Variants in CTNNA3 observed in about 807,000 individuals in gnomAD.
CTNNA3 encodes catenin alpha 3, also known as catenin alpha-3.
Under a neutral mutation model 95.7 loss-of-function variants are expected in CTNNA3, and 76 were observed. That is an observed-to-expected ratio of 0.79 (90% confidence interval 0.66 to 0.96). CTNNA3 has a LOEUF of 0.96. Among genes scored for constraint, CTNNA3 ranks in the 40% least tolerant of loss-of-function variants. CTNNA3 has a pLI of 0.00. For synonymous variants in CTNNA3, 431 were observed against 374.4 expected, an observed-to-expected ratio of 1.15 and a Z score of -1.74; for missense variants, 1,191 against 1,089.8, an observed-to-expected ratio of 1.09 and a Z score of -1.31.
At chr10:66,919,759 T>G (rs902064340) in intron 7 of CTNNA3, among the ~76,000 whole-genome samples, 2 of 152,206 alleles carry the variant, frequency 1.3e-5, no homozygotes, top group Non-Finnish European at 2.9e-5. Flanking sequence ...GAAGTGTTAA[T>G]GCTCTGATGA....
chr10:67,758,927 A>G (rs906725661), intron 1 of CTNNA3, among the ~76,000 whole-genome samples: 4 of 152,206 alleles, frequency 2.6e-5, no homozygotes, highest in African/African-American at 9.6e-5. Context: ...TCTTCTTCTT[A>G]CTTCTTAATT....
At chr10:67,690,530 T>C (rs1037708111) in intron 1 of CTNNA3, among the ~76,000 whole-genome samples, 2 of 152,172 alleles carry the variant, frequency 1.3e-5, no homozygotes, top group Non-Finnish European at 2.9e-5. Flanking sequence ...GAGTCCTGAT[T>C]GGTGCATTTA....
chr10:66,575,837 T>C (rs1260908395), intron 10 of CTNNA3, among the ~76,000 whole-genome samples: 1 of 152,082 alleles, frequency 6.6e-6, no homozygotes, highest in Non-Finnish European at 1.5e-5. Context: ...GACAAGGACA[T>C]CAAATACAAT....
At chr10:66,004,568 A>G (rs1391316745) in intron 15 of CTNNA3, among the ~76,000 whole-genome samples, 1 of 152,178 alleles carries the variant, frequency 6.6e-6, no homozygotes, top group East Asian at 1.9e-4. Flanking sequence ...ATGTTAGCTG[A>G]GAAACTTTAC....
chr10:66,830,820 A>G lies in CTNNA3; in HGVS notation c.1048-55296T>C, dbSNP rs553456282. 4.6e-5 allele frequency among the ~76,000 whole-genome samples: 7 copies of G among 152,228 alleles called. 1 individual carries two copies. The South Asian group carries it at 1.5e-3, about 32-fold the overall frequency. On this transcript the variant is annotated intron_variant, in intron 7 of 17. Coordinates refer to ENST00000433211, the MANE Select transcript of CTNNA3 (RefSeq NM_013266.4). The stretch of plus-strand genomic sequence containing the variant: ...GAGACAGGGTTTCACCGTGTTAGCC[A>G]GGATGGTCTCTATCTCCTGACCTCG...
In CTNNA3 at chr10:66,272,568, A is replaced by G. The variant is rs138526198; in HGVS notation, c.1884+7902T>C. On this transcript the variant is annotated intron_variant, in intron 13 of 17. Transcript: ENST00000433211. ...AACTGTCGCCCTGTGGGTGGAGACA[A>G]TGCACCACAGGGCCTCAAGCAGTAC... Among the ~76,000 whole-genome samples, 1,178 of 152,094 alleles carry G rather than the reference A, an allele frequency of 7.7e-3. 13 individuals are homozygous for G. Among genetic ancestry groups the G allele is most frequent in the African/African-American group, 0.027 (1,115 of 41,464 alleles).
intron 5 of CTNNA3, among the ~76,000 whole-genome samples, chr10:67,322,248 C>T (rs1841352415): frequency 6.6e-6 from 1 of 152,026 alleles, no homozygotes; most frequent in Non-Finnish European, 1.5e-5. Context: ...ATTTTAAGTT[C>T]AGGGTACATG....
chr10:66,693,946 G>A (rs996309731), intron 9 of CTNNA3, among the ~76,000 whole-genome samples: 2 of 151,682 alleles, frequency 1.3e-5, no homozygotes, highest in African/African-American at 4.8e-5. Context: ...AGAATCTCTG[G>A]GACACATTCA....
At chr10:66,345,485 A>C (rs2092499979) in intron 12 of CTNNA3, among the ~76,000 whole-genome samples, 1 of 152,102 alleles carries the variant, frequency 6.6e-6, no homozygotes, top group Non-Finnish European at 1.5e-5. Flanking sequence ...GAAGGGAATT[A>C]CTGTATAGAT....
chr10:67,600,412 T>A (rs538527874), intron 3 of CTNNA3, among the ~76,000 whole-genome samples: 2 of 152,234 alleles, frequency 1.3e-5, no homozygotes, highest in Non-Finnish European at 2.9e-5. Context: ...TATTAAAAAA[T>A]GGTTAATATT....
intron 7 of CTNNA3, among the ~76,000 whole-genome samples, chr10:67,045,946 T>G (rs1441561713): frequency 6.6e-6 from 1 of 152,184 alleles, no homozygotes; most frequent in East Asian, 1.9e-4. Context: ...TAGGTCAGAT[T>G]TCTTTTTTTC....
rs2087458034 is a variant in CTNNA3 at position 66,202,030 on chromosome 10, A to C, written c.1884+78440T>G. Among the ~76,000 whole-genome samples, 2 of 152,066 alleles carry C rather than the reference A, an allele frequency of 1.3e-5. 1 individual carries two copies. The highest frequency in any genetic ancestry group is 4.1e-4 in the South Asian group (2 of 4,824). On this transcript the variant is annotated intron_variant, in intron 13 of 17. Coordinates refer to ENST00000433211, the MANE Select transcript of CTNNA3 (RefSeq NM_013266.4). ...TTGAACTCCTGACCTCAGGTGATCC[A>C]GCCACCCTGGCCTCCCAAAGTGCTG...
intron 5 of CTNNA3, among the ~76,000 whole-genome samples, chr10:67,463,711 G>A (rs953717473): frequency 9.9e-5 from 15 of 152,106 alleles, no homozygotes; most frequent in African/African-American, 3.4e-4. Flanking sequence ...TCAGACAGGG[G>A]TTAGTAAATT....
chr10:67,387,958 G>C (rs1198203548), intron 5 of CTNNA3, among the ~76,000 whole-genome samples: 1 of 151,904 alleles, frequency 6.6e-6, no homozygotes, highest in Non-Finnish European at 1.5e-5. Context: ...CAAAGATGGG[G>C]AAAAAACAGA....
intron 12 of CTNNA3, among the ~76,000 whole-genome samples, chr10:66,288,405 G>A (rs2091625430): frequency 6.6e-6 from 1 of 151,928 alleles, no homozygotes; most frequent in Non-Finnish European, 1.5e-5. Context: ...TTGGGGAGAG[G>A]AAACCTAACA....
rs149327684 is a variant in CTNNA3, at chr10:67,272,080, G to C, written c.580-52210C>G. Among the ~76,000 whole-genome samples, 713 of 152,226 alleles carry C rather than the reference G, an allele frequency of 4.7e-3. 6 individuals are homozygous for C. The highest frequency in any genetic ancestry group is 0.016 in the African/African-American group (675 of 41,540). On this transcript the variant is annotated intron_variant, in intron 5 of 17. Coordinates refer to ENST00000433211, the MANE Select transcript of CTNNA3 (RefSeq NM_013266.4). ...TTCCCTATACCTCTGTCACAACTTT[G>C]TATCTTTTCTGGATTCTCTCTTAGG...
At chr10:67,547,186 T>C (rs891033521) in intron 3 of CTNNA3, among the ~76,000 whole-genome samples, 1 of 152,130 alleles carries the variant, frequency 6.6e-6, no homozygotes, top group Non-Finnish European at 1.5e-5. Flanking sequence ...TTAAAGTATA[T>C]TAAGACATAA....
intron 5 of CTNNA3, among the ~76,000 whole-genome samples, chr10:67,505,530 A>G (rs1404450456): frequency 6.6e-6 from 1 of 152,242 alleles, no homozygotes; most frequent in African/African-American, 2.4e-5. Flanking sequence ...ACCAACATCA[A>G]AATGAGAGGG....
chr10:66,607,592 CA>C (rs1248604691), intron 10 of CTNNA3, among the ~76,000 whole-genome samples: 1 of 150,538 alleles, frequency 6.6e-6, no homozygotes, highest in Non-Finnish European at 1.5e-5. Flanking sequence ...AGCAGCACAT[CA>C]AAAAGCAAAT....
Sources: gnomAD v4.1 joint callset for allele counts (sites outside exome capture counted in the v4.1 genomes callset) on GRCh38, gnomAD v4.1.1 for gene constraint, MANE v1.5 for transcripts, NCBI Gene and HGNC (gene_info 2026-07-23, HGNC 2026-07-21) for gene names.